Variants in SLC35G2 observed in about 807,000 individuals in gnomAD.
SLC35G2 encodes transmembrane protein 22.
A neutral mutation model predicts 27.2 loss-of-function variants in SLC35G2; 20 were observed. The ratio of observed to expected loss-of-function variants is 0.74; its 90% confidence interval spans 0.52 to 1.07. SLC35G2 has a LOEUF of 1.07. Among genes scored for constraint, SLC35G2 ranks in the 50% least tolerant of loss-of-function variants. SLC35G2 has a pLI of 0.00. For missense variants in SLC35G2, 416 were observed against 493.3 expected, an observed-to-expected ratio of 0.84 and a Z score of 1.48; for synonymous variants, 148 against 165.3, an observed-to-expected ratio of 0.90 and a Z score of 0.80.
intron 1 of SLC35G2, among the ~76,000 whole-genome samples, chr3:136,836,619 G>A (rs1936878512): frequency 6.6e-6 from 1 of 152,200 alleles, no homozygotes; most frequent in African/African-American, 2.4e-5. Context: ...TATCCACACA[G>A]AGTGTCAGCC....
At chr3:136,829,422 A>G (rs901854216) in intron 1 of SLC35G2, among the ~76,000 whole-genome samples, 3 of 151,922 alleles carry the variant, frequency 2.0e-5, no homozygotes, top group Non-Finnish European at 2.9e-5. Context: ...GGGTTTCACT[A>G]TATTGGCCAG....
chr3:136,832,895 C>T lies in SLC35G2; in HGVS notation c.-19+13267C>T, dbSNP rs545554956. Reference sequence around the variant, plus strand: ...CATCCTGGCTAACATGGGGAAACCCCGTCTCTACTAAAAATACAAAAAAAT... The same window carrying T: ...CATCCTGGCTAACATGGGGAAACCCTGTCTCTACTAAAAATACAAAAAAAT... On this transcript the variant is annotated intron_variant, in intron 1 of 1. Transcript: ENST00000446465. Among the ~76,000 whole-genome samples the T allele has an allele frequency of 5.5e-3, 843 of 152,056 alleles. 3 individuals carry two copies. The highest frequency in any genetic ancestry group is 9.8e-3 in the Non-Finnish European group (663 of 67,966).
In SLC35G2 at chr3:136,842,101, ATATAT is replaced by A. The variant is rs543174318; in HGVS notation, c.-18-12339_-18-12335del. 8.5e-5 allele frequency: 13 copies of A among 152,334 alleles called. No homozygotes were observed. In the East Asian group the frequency reaches 2.5e-3, roughly 29 times the overall value. The allele number at this position is 152,334 out of a possible 1,614,324, so 9.4% of individuals were successfully genotyped here. A position where few individuals can be genotyped will look rare whatever the true frequency, so the allele number is the denominator to read the frequency against. ...TCCATATTTCATAAAGCTACTTTTA[ATATAT>A]TAACATTTATTGCTCTTGAGTTCAA... On this transcript the variant is annotated intron_variant, in intron 1 of 1. Transcript: ENST00000446465.
chr3:136,836,414 G>A (rs2108007260), intron 1 of SLC35G2, among the ~76,000 whole-genome samples: 1 of 242 alleles, frequency 4.1e-3, no homozygotes, highest in African/African-American at 6.0e-3. Flanking sequence ...ATTCAGGCCT[G>A]CTTATCGACC....
chr3:136,831,933 T>A (rs1936739289), intron 1 of SLC35G2, among the ~76,000 whole-genome samples: 1 of 152,094 alleles, frequency 6.6e-6, no homozygotes, highest in Non-Finnish European at 1.5e-5. Flanking sequence ...TAAATCACTC[T>A]GCACAAATAA....
At chr3:136,826,782 C>T (rs1936596255) in intron 1 of SLC35G2, among the ~76,000 whole-genome samples, 1 of 151,950 alleles carries the variant, frequency 6.6e-6, no homozygotes, top group African/African-American at 2.4e-5. Context: ...GGACCACAGG[C>T]ATGCACCACC....
At chr3:136,825,588 T>C (rs567662633) in intron 1 of SLC35G2, among the ~76,000 whole-genome samples, 4 of 152,174 alleles carry the variant, frequency 2.6e-5, no homozygotes, top group Non-Finnish European at 5.9e-5. Context: ...TGTGCCCAGT[T>C]TTTTGAGGAT....
At chr3:136,840,020 A>T (rs1189501745) in intron 1 of SLC35G2, among the ~76,000 whole-genome samples, 1 of 152,170 alleles carries the variant, frequency 6.6e-6, no homozygotes, top group Non-Finnish European at 1.5e-5. Flanking sequence ...AAAATTTCTT[A>T]GTCCCTTTAA....
intron 1 of SLC35G2, among the ~76,000 whole-genome samples, chr3:136,836,454 A>G (rs1313568665): frequency 1.3e-5 from 2 of 152,144 alleles, no homozygotes. Context: ...TTAAACAACT[A>G]GAAGGTTGTG....
chr3:136,823,287 T>C (rs1206479748), intron 1 of SLC35G2, among the ~76,000 whole-genome samples: 1 of 152,214 alleles, frequency 6.6e-6, no homozygotes, highest in Non-Finnish European at 1.5e-5. Context: ...TTATTTGCCA[T>C]TCCTTATGTA....
chr3:136,820,847 T>C (rs9682783), intron 1 of SLC35G2, among the ~76,000 whole-genome samples: 115,262 of 151,780 alleles, frequency 0.76, 44,076 homozygotes, highest in East Asian at 0.92. Context: ...TAAGTATTTA[T>C]ACTCATTTAC....
At chr3:136,851,889 G>C (rs1937650901) in intron 1 of SLC35G2, among the ~76,000 whole-genome samples, 1 of 152,200 alleles carries the variant, frequency 6.6e-6, no homozygotes, top group Admixed American at 6.5e-5. Context: ...CAATATTCTA[G>C]ATGGGAATTC....
At chr3:136,824,086 G>C (rs1011318149) in intron 1 of SLC35G2, among the ~76,000 whole-genome samples, 4 of 152,116 alleles carry the variant, frequency 2.6e-5, no homozygotes, top group African/African-American at 9.7e-5. Flanking sequence ...CTATGTATCT[G>C]TTTTTATGCC....
At chr3:136,840,685 G>A (rs1016141878) in intron 1 of SLC35G2, among the ~76,000 whole-genome samples, 2 of 151,396 alleles carry the variant, frequency 1.3e-5, no homozygotes, top group African/African-American at 4.9e-5. Context: ...GTGCAGTGGC[G>A]TGATCTTGGC....
intron 1 of SLC35G2, chr3:136,838,113 G>T (rs953015184): frequency 7.2e-5 from 11 of 151,950 alleles, no homozygotes; most frequent in African/African-American, 2.7e-4. Context: ...TAGGATTACA[G>T]GTGTGAGCCA....
chr3:136,827,699 T>G (rs1371402762), intron 1 of SLC35G2, among the ~76,000 whole-genome samples: 1 of 152,194 alleles, frequency 6.6e-6, no homozygotes, highest in East Asian at 1.9e-4. Context: ...ATTTCCTTAA[T>G]TTCTTCATTG....
chr3:136,854,742 A>G lies in SLC35G2; in HGVS notation c.282A>G (p.Ala94=). Residue 94 remains alanine, a synonymous_variant, in exon 2 of 2, where the codon GCA becomes GCG. Transcript: ENST00000446465. ...INEIGQFQSF[A]EKNIFQSRKM... ...AGATTGGACAATTCCAGAGCTTTGC[A>G]GAAAAAAACATTTTTCAATCCCGAA... 6.2e-7 allele frequency: 1 copy of G among 1,614,146 alleles called. No individual in the cohort carries two copies. The highest frequency in any genetic ancestry group is 1.6e-4 in the Middle Eastern group (1 of 6,062).
intron 1 of SLC35G2, among the ~76,000 whole-genome samples, chr3:136,821,457 T>A (rs565588426): frequency 3.7e-4 from 56 of 151,544 alleles, no homozygotes; most frequent in Non-Finnish European, 5.6e-4. Flanking sequence ...AAAAAAAAAA[T>A]TTTTTTTTGA....
chr3:136,853,717 CCT>C (rs1354418331), intron 1 of SLC35G2, among the ~76,000 whole-genome samples: 2 of 152,076 alleles, frequency 1.3e-5, no homozygotes, highest in African/African-American at 4.8e-5. Context: ...TTATTCCCCC[CCT>C]TTTTTATTCA....
Sources: allele counts gnomAD v4.1 joint callset (sites outside exome capture counted in the v4.1 genomes callset), GRCh38; gene constraint gnomAD v4.1.1; transcripts MANE v1.5; gene names NCBI Gene and HGNC (gene_info 2026-07-23, HGNC 2026-07-21).